The following AHI1 variants were observed in gnomAD, a reference collection of about 807,000 sequenced individuals.
AHI1 encodes the protein Abelson helper integration site 1, also known as jouberin.
Under a neutral mutation model 149.3 loss-of-function variants are expected in AHI1, and 123 were observed. The ratio of observed to expected loss-of-function variants is 0.82; its 90% CI spans 0.71 to 0.96. The LOEUF is 0.96. Among genes scored for constraint, AHI1 ranks in the 40% least tolerant of loss-of-function variants. AHI1 has a pLI of 0.00. For synonymous variants in AHI1, 475 were observed against 459.8 expected (o/e 1.03, Z -0.42); for missense variants, 1,439 against 1,422.7 (o/e 1.01, Z -0.18).
chr6:135,455,947 C>A, intron 9 of AHI1, 21 bp from the exon 10 acceptor site: 2 of 1,353,828 alleles, frequency 1.5e-6, no homozygotes, highest in South Asian at 2.4e-5. Flanking sequence ...AAAGATACTT[C>A]CATTAACACA....
chr6:135,338,425 T>G lies in AHI1; in HGVS notation c.3166-15101A>C, dbSNP rs1446040135. On this transcript the variant is annotated intron_variant, in intron 24 of 28. Coordinates refer to ENST00000265602, the MANE Select transcript of AHI1 (RefSeq NM_001134831.2). ...CAGTTGATTAGGGGACTCTAAAACT[T>G]ATCAAAAAGCATTTTCAATGGCTAA... Among the ~76,000 whole-genome samples the G allele has an allele frequency of 3.3e-5, 5 of 152,240 alleles. No homozygotes were observed. In the South Asian group the frequency reaches 8.3e-4, roughly 25 times the overall value.
intron 20 of AHI1, among the ~76,000 whole-genome samples, chr6:135,421,168 T>C (rs544694467): frequency 7.2e-4 from 110 of 152,186 alleles, no homozygotes; most frequent in Non-Finnish European, 1.2e-3. Flanking sequence ...GCAATTACAA[T>C]GTAACATCAA....
intron 5 of AHI1, among the ~76,000 whole-genome samples, chr6:135,470,512 A>G (rs960399212): frequency 9.9e-5 from 15 of 152,210 alleles, no homozygotes; most frequent in African/African-American, 3.4e-4. Flanking sequence ...AGATACATGC[A>G]TGCGTATGTT....
intron 23 of AHI1, among the ~76,000 whole-genome samples, chr6:135,363,928 TGGCCGGGCGGGG>T (rs1794413022): frequency 7.1e-6 from 1 of 141,340 alleles, no homozygotes; most frequent in African/African-American, 2.7e-5. Context: ...ATGGGGCGGC[TGGCCGGGCGGGG>T]GGCTGACCCC....
At chr6:135,336,537 G>C (rs183987464) in intron 24 of AHI1, among the ~76,000 whole-genome samples, 2 of 152,322 alleles carry the variant, frequency 1.3e-5, no homozygotes, top group East Asian at 3.9e-4. Flanking sequence ...AGTCGAGGCT[G>C]CAGTGAGCTG....
intron 5 of AHI1, among the ~76,000 whole-genome samples, chr6:135,486,927 C>T (rs191297398): frequency 7.9e-5 from 12 of 152,014 alleles, no homozygotes; most frequent in Admixed American, 7.2e-4. Context: ...GCCACCATGC[C>T]CAGGTAAGTT....
intron 5 of AHI1, among the ~76,000 whole-genome samples, chr6:135,475,738 G>A (rs1023572094): frequency 6.6e-6 from 1 of 152,142 alleles, no homozygotes; most frequent in Non-Finnish European, 1.5e-5. Context: ...CTGAAAGCTT[G>A]CACCTGGTTT....
chr6:135,381,610 T>C (rs557120833), intron 23 of AHI1, among the ~76,000 whole-genome samples: 3 of 152,300 alleles, frequency 2.0e-5, no homozygotes, highest in Admixed American at 6.5e-5. Context: ...AACTCCAAAA[T>C]AGATGATACT....
chr6:135,301,014 A>C, intron 26 of AHI1: 1 of 984,908 alleles, frequency 1.0e-6, no homozygotes, highest in Non-Finnish European at 1.2e-6. Context: ...TTAAATCTAC[A>C]AAATGTGTTC....
At chr6:135,363,816 C>T (rs1283785249) in intron 23 of AHI1, among the ~76,000 whole-genome samples, 2 of 149,352 alleles carry the variant, frequency 1.3e-5, no homozygotes, top group Non-Finnish European at 3.0e-5. Flanking sequence ...GGCAGAGGGG[C>T]TCCTCACTTC....
intron 27 of AHI1, among the ~76,000 whole-genome samples, chr6:135,293,405 A>AT (rs1782623682): frequency 1.0e-5 from 1 of 99,242 alleles, no homozygotes; most frequent in Admixed American, 8.8e-5. Flanking sequence ...AAAAAAAAAA[A>AT]GAAAAAAAAA....
At chr6:135,454,203 G>A (rs1418980038) in intron 10 of AHI1, among the ~76,000 whole-genome samples, 1 of 151,908 alleles carries the variant, frequency 6.6e-6, no homozygotes, top group Non-Finnish European at 1.5e-5. Context: ...CCCATAGATG[G>A]TCACCATTAA....
chr6:135,497,435 A>ACACCCGGCC (rs1796124481), intron 1 of AHI1, 148 bp downstream of exon 1: 1 of 152,278 alleles, frequency 6.6e-6, no homozygotes, highest in Non-Finnish European at 1.5e-5. Flanking sequence ...TTCCCCCGGG[A>ACACCCGGCC]CACCCGGCCC....
intron 9 of AHI1, 35 bp downstream of exon 9, chr6:135,457,459 T>C (rs1562218621): frequency 2.0e-6 from 3 of 1,511,646 alleles, no homozygotes; most frequent in East Asian, 4.6e-5. Context: ...CTAGTTTCAG[T>C]TTCAAGAATT....
intron 27 of AHI1, among the ~76,000 whole-genome samples, chr6:135,292,113 CACACACACACACACACACACATACACAA>C (rs1374704040): frequency 6.7e-6 from 1 of 149,916 alleles, no homozygotes; most frequent in East Asian, 1.9e-4. Context: ...GCTAATTACA[CACACACACACACACACACACATACACAA>C]ACACACACAC....
At chr6:135,317,629 C>T (rs907843085) in intron 26 of AHI1, among the ~76,000 whole-genome samples, 1 of 152,008 alleles carries the variant, frequency 6.6e-6, no homozygotes, top group African/African-American at 2.4e-5. Flanking sequence ...GGTGTGTGCA[C>T]CAGCCTGTAA....
chr6:135,383,396 T>A (rs936487533), intron 23 of AHI1, among the ~76,000 whole-genome samples: 4 of 151,662 alleles, frequency 2.6e-5, no homozygotes, highest in African/African-American at 9.7e-5. Context: ...CACTCCTGGA[T>A]AATTAAAAAA....
chr6:135,462,527 G>A (rs1455551119), intron 8 of AHI1, among the ~76,000 whole-genome samples: 1 of 150,902 alleles, frequency 6.6e-6, no homozygotes, highest in East Asian at 1.9e-4. Context: ...TAAACTCAAT[G>A]GTTTAAAGAA....
At chr6:135,300,586 T>C in intron 26 of AHI1, 28 bp from the exon 27 acceptor site, 3 of 1,585,828 alleles carry the variant, frequency 1.9e-6, no homozygotes, top group Non-Finnish European at 2.6e-6. Context: ...AAACAAGTAG[T>C]AAGTAAAAAA....
Sources: gnomAD v4.1 joint callset for allele counts (sites outside exome capture counted in the v4.1 genomes callset) on GRCh38, gnomAD v4.1.1 for gene constraint, MANE v1.5 for transcripts, NCBI Gene and HGNC (gene_info 2026-07-23, HGNC 2026-07-21) for gene names.